Variants in GDF9 observed in about 807,000 individuals in gnomAD.
GDF9 encodes growth/differentiation factor 9.
In GDF9, 30 loss-of-function variants were observed where a neutral mutation model predicts 33.8. The observed-to-expected ratio is 0.89, with a 90% CI of 0.66 to 1.20. The LOEUF is 1.20. Among genes scored for constraint, GDF9 ranks in the 50% most tolerant of loss-of-function variants. The pLI is 0.00. For missense variants in GDF9, 556 were observed against 543.7 expected (o/e 1.02, Z -0.22); for synonymous variants, 205 against 200.7 (o/e 1.02, Z -0.18).
Position 132,866,441 on chromosome 5 carries a change from TCAATCCCCGACGTCCTC to T in GDF9, c.-1925_-1909del. ...CTGTCCACTGTCCCCCAAAGTCAGTTCAATCCCCGACGTCCTCCGCTAGGCTCCACCCCACCGGCCCG... is the reference window on the plus strand; with the variant it reads ...CTGTCCACTGTCCCCCAAAGTCAGTTCGCTAGGCTCCACCCCACCGGCCCG... On this transcript the variant is annotated 5_prime_UTR_variant, in exon 1 of 2. Transcript: ENST00000687138. 1 of 223,360 alleles carries T rather than the reference TCAATCCCCGACGTCCTC, an allele frequency of 4.5e-6. No individual in the cohort carries two copies. The highest frequency in any genetic ancestry group is 5.2e-5 in the South Asian group (1 of 19,144). 13.8% of individuals were successfully genotyped at this position (223,360 alleles called of 1,614,324 possible).
Position 132,861,315 on chromosome 5 carries a change from A to G in GDF9, c.*274T>C. ...TATCAAGAATAAGACTCCTATGAAA[A>G]GAAAAAAAATCACTCAAGGAAAAAA... is the stretch of plus-strand genomic sequence containing the variant. On this transcript the variant is annotated 3_prime_UTR_variant, in exon 2 of 2. Coordinates refer to ENST00000687138, the MANE Select transcript of GDF9 (RefSeq NM_005260.7). 1 of 411,854 alleles carries G rather than the reference A, an allele frequency of 2.4e-6. No homozygotes were observed. The highest frequency in any genetic ancestry group is 5.1e-5 in the East Asian group (1 of 19,544). 25.5% of individuals were successfully genotyped at this position (411,854 alleles called of 1,614,324 possible).
In GDF9 at chr5:132,866,215, C is replaced by T. The variant is rs565694855; in HGVS notation, c.-1682G>A. ...CGTGCTCCTCTGCTGTGGGGCGGCC[C>T]GGCCTCGGGGCTCAGAGGCGCTCTG... On this transcript the variant is annotated 5_prime_UTR_variant, in exon 1 of 2. Coordinates refer to ENST00000687138, the MANE Select transcript of GDF9 (RefSeq NM_005260.7). 5.4e-3 allele frequency: 824 copies of T among 153,160 alleles called. 4 individuals carry two copies. Among genetic ancestry groups the T allele is most frequent in the Middle Eastern group, 0.027 (8 of 294 alleles). 9.5% of individuals were successfully genotyped at this position (153,160 alleles called of 1,614,324 possible). A position where few individuals can be genotyped will look rare whatever the true frequency, so the allele number is the denominator to read the frequency against.
chr5:132,864,699 C>T lies in GDF9; in HGVS notation c.-166G>A. On this transcript the variant is annotated 5_prime_UTR_variant, in exon 1 of 2. Coordinates refer to ENST00000687138, the MANE Select transcript of GDF9 (RefSeq NM_005260.7). The stretch of plus-strand genomic sequence containing the variant: ...TGCCTAGCTGAAGATTTTATCAGCT[C>T]TATATCAAGCAGCTGATAACACCTT... The T allele has an allele frequency of 1.6e-6, 1 of 638,840 alleles. No homozygotes were observed. The highest frequency in any genetic ancestry group is 2.7e-5 in the East Asian group (1 of 37,414). 39.6% of individuals were successfully genotyped at this position (638,840 alleles called of 1,614,324 possible). A position where few individuals can be genotyped will look rare whatever the true frequency, so the allele number is the denominator to read the frequency against.
rs1759604415 is a variant in GDF9 at position 132,866,393 on chromosome 5, A to C, written c.-1860T>G. 6.1e-6 allele frequency: 1 copy of C among 163,410 alleles called. No homozygotes were observed. The highest frequency in any genetic ancestry group is 1.3e-5 in the Non-Finnish European group (1 of 74,368). The allele number at this position is 163,410 out of a possible 1,614,324, so 10.1% of individuals were successfully genotyped here. A position where few individuals can be genotyped will look rare whatever the true frequency, so the allele number is the denominator to read the frequency against. On this transcript the variant is annotated 5_prime_UTR_variant, in exon 1 of 2. Transcript: ENST00000687138. Reference sequence around the variant, plus strand: ...GATTCCACAGAAAAGCCGAGGGCTGAGGAGAAGTGTGAGCGCCTCCGCCTG... The same window carrying C: ...GATTCCACAGAAAAGCCGAGGGCTGCGGAGAAGTGTGAGCGCCTCCGCCTG...
rs1440380906 is a variant in GDF9 at position 132,864,702 on chromosome 5, T to C, written c.-169A>G. On this transcript the variant is annotated 5_prime_UTR_variant, in exon 1 of 2. It adds an upstream start codon to the 5' untranslated region. Coordinates refer to ENST00000687138, the MANE Select transcript of GDF9 (RefSeq NM_005260.7). ...CTAGCTGAAGATTTTATCAGCTCTA[T>C]ATCAAGCAGCTGATAACACCTTATT... 4.7e-6 allele frequency: 3 copies of C among 636,460 alleles called. No individual in the cohort carries two copies. The highest frequency in any genetic ancestry group is 1.9e-5 in the South Asian group (1 of 53,092). The allele number at this position is 636,460 out of a possible 1,614,324, so 39.4% of individuals were successfully genotyped here. A position where few individuals can be genotyped will look rare whatever the true frequency, so the allele number is the denominator to read the frequency against.
rs775474471 is a variant in GDF9 at position 132,862,511 on chromosome 5, G to C, written c.443C>G (p.Thr148Ser). Reference sequence around the variant, plus strand: ...TGACTTGAGTAAGTGTTCAACGGTAGTAATGCGATCCAGGTTAAATAGCAG... The same window carrying C: ...TGACTTGAGTAAGTGTTCAACGGTACTAATGCGATCCAGGTTAAATAGCAG... ...VELLFNLDRI[T>S]TVEHLLKSVL... The change falls in exon 2 of 2, where the codon ACT becomes AGT. Residue 148 changes from threonine to serine, a missense_variant. Thr to Ser is a moderately conservative substitution (Grantham distance 58). Transcript: ENST00000687138. 1.1e-5 allele frequency: 17 copies of C among 1,610,060 alleles called. No homozygotes were observed. In the African/African-American group the frequency reaches 1.9e-4, roughly 18 times the overall value.
In GDF9 at chr5:132,861,714, C is replaced by G; in HGVS notation, c.1240G>C (p.Val414Leu). ...NIIYEKLDSS[V>L]PRPSCVPAKY... ...GCAGGTACACATGACGGTCTTGGCACTGAGGAGTCCAGCTTCTCATAGATG... is the reference window on the plus strand; with the variant it reads ...GCAGGTACACATGACGGTCTTGGCAGTGAGGAGTCCAGCTTCTCATAGATG... Residue 414 changes from valine (V) to leucine (L), a missense_variant, in exon 2 of 2, where the codon GTG becomes CTG. Val to Leu is a conservative substitution (Grantham distance 32). Transcript: ENST00000687138. The G allele has an allele frequency of 6.2e-7, 1 of 1,613,206 alleles. No individual in the cohort carries two copies. Among genetic ancestry groups the G allele is most frequent in the Non-Finnish European group, 8.5e-7 (1 of 1,179,114 alleles).
chr5:132,864,104 C>T, intron 1 of GDF9, 33 bp downstream of exon 1: 1 of 1,609,228 alleles, frequency 6.2e-7, no homozygotes, highest in Non-Finnish European at 8.5e-7. Flanking sequence ...ATCATCTTCC[C>T]TCCACCCAGT....
Position 132,864,483 on chromosome 5 carries a change from C to A in GDF9, c.51G>T (p.Leu17=), listed in dbSNP as rs1246441640. 3.1e-6 allele frequency: 5 copies of A among 1,612,962 alleles called. No homozygotes were observed. The highest frequency in any genetic ancestry group is 4.2e-6 in the Non-Finnish European group (5 of 1,180,008). The change falls in exon 1 of 2, where the codon CTG becomes CTT. Residue 17 remains leucine (L), a synonymous_variant. Transcript: ENST00000687138. ...GAGAACCAAGGCTAATAGGAAAACA[C>A]AGCCAGGCAAAGCAGCAAAACCAAA... is the stretch of plus-strand genomic sequence containing the variant. ...FLLWFCCFAW[L]CFPISLGSQA... is the part of the protein sequence containing the mutation.
At position 132,865,073 on chromosome 5, in the gene GDF9, TA is replaced by T. The variant is rs1759519632; in HGVS notation, c.-541del. On this transcript the variant is annotated 5_prime_UTR_variant, in exon 1 of 2. The change creates a premature stop within an existing upstream ORF in the 5' untranslated region. Coordinates refer to ENST00000687138, the MANE Select transcript of GDF9 (RefSeq NM_005260.7). ...TTCCACTTCCAGGTGTTTACAATTG[TA>T]ATTATTCGCTGCATGTTAATTTGCG... is the stretch of plus-strand genomic sequence containing the variant. The T allele has an allele frequency of 6.5e-6, 1 of 154,320 alleles. No homozygotes were observed. The highest frequency in any genetic ancestry group is 2.0e-4 in the South Asian group (1 of 4,996). 9.6% of individuals were successfully genotyped at this position (154,320 alleles called of 1,614,324 possible).
chr5:132,862,433 C>T lies in GDF9; in HGVS notation c.521G>A (p.Cys174Tyr), dbSNP rs752368679. The T allele has an allele frequency of 1.2e-6, 2 of 1,614,138 alleles. No homozygotes were observed. The highest frequency in any genetic ancestry group is 1.3e-5 in the African/African-American group (1 of 75,036). ...CTCCTTTATCATTAGATTGCACACACATTTGACAGCAGAGGAAAAAGAAAC... is the reference window on the plus strand; with the variant it reads ...CTCCTTTATCATTAGATTGCACACATATTTGACAGCAGAGGAAAAAGAAAC... Reference protein sequence around the residue: ...NSVSFSSAVKCVCNLMIKEPK... With the variant: ...NSVSFSSAVKYVCNLMIKEPK... The change falls in exon 2 of 2, where the codon TGT becomes TAT. Residue 174 changes from cysteine (C) to tyrosine (Y), a missense_variant. By Grantham distance (194) the Cys-to-Tyr change is radical. Transcript: ENST00000687138.
At chr5:132,863,491 G>A (rs1759400103) in intron 1 of GDF9, among the ~76,000 whole-genome samples, 1 of 150,024 alleles carries the variant, frequency 6.7e-6, no homozygotes, top group Admixed American at 6.7e-5. Context: ...CCGGGCTGGA[G>A]AGCAGTGGTG....
Position 132,864,799 on chromosome 5 carries a change from G to A in GDF9, c.-266C>T, listed in dbSNP as rs1759502918. On this transcript the variant is annotated 5_prime_UTR_variant, in exon 1 of 2. The change creates a new upstream start codon in the 5' untranslated region. Coordinates refer to ENST00000687138, the MANE Select transcript of GDF9 (RefSeq NM_005260.7). ...TCCTCTCTTTTCCCCTGGCATTTAC[G>A]TAAAACCCGTTACTGTTACACTACC... 5 of 492,766 alleles carry A rather than the reference G, an allele frequency of 1.0e-5. No individual in the cohort carries two copies. Among genetic ancestry groups the A allele is most frequent in the East Asian group, 7.1e-5 (2 of 28,190 alleles). 30.5% of individuals were successfully genotyped at this position (492,766 alleles called of 1,614,324 possible).
At chr5:132,862,653 C>T (rs1759349389) in intron 1 of GDF9, 97 bp from the exon 2 acceptor site, 2 of 905,174 alleles carry the variant, frequency 2.2e-6, no homozygotes, top group Admixed American at 4.4e-5. Context: ...TGCTTTCTCC[C>T]TTCTCTTTTC....
chr5:132,863,731 G>A (rs1759415322), intron 1 of GDF9, among the ~76,000 whole-genome samples: 1 of 152,106 alleles, frequency 6.6e-6, no homozygotes, highest in African/African-American at 2.4e-5. Context: ...TTCAAAACGG[G>A]AACTTTAAGC....
In GDF9 at chr5:132,864,189, C is replaced by A; in HGVS notation, c.345G>T (p.Arg115=). Residue 115 remains arginine, a synonymous_variant, in exon 1 of 2, where the codon CGG becomes CGT. Transcript: ENST00000687138. ...TGTGCCGGGTACAGGGGGTGAAGAG[C>A]CGAACAGTGTTGTAGAGGTGACTTC... ...SNRSHLYNTV[R]LFTPCTRHKQ... 1 of 1,614,148 alleles carries A rather than the reference C, an allele frequency of 6.2e-7. No individual in the cohort carries two copies. The highest frequency in any genetic ancestry group is 8.5e-7 in the Non-Finnish European group (1 of 1,180,012).
intron 1 of GDF9, 44 bp downstream of exon 1, chr5:132,864,093 T>A: frequency 6.3e-7 from 1 of 1,589,738 alleles, no homozygotes; most frequent in Middle Eastern, 1.7e-4. Context: ...CAGAAGTGTC[T>A]ATCATCTTCC....
Position 132,864,343 on chromosome 5 carries a change from G to T in GDF9, c.191C>A (p.Ala64Glu). The part of the protein sequence containing the change: ...DERDRAGLLP[A>E]LFKVLSVGRG... ...CCCAACAGATAGAACTTTGAAAAGC[G>T]CGGGAAGGAGGCCAGCTCTGTCTCT... The change falls in exon 1 of 2, where the codon GCG becomes GAG. Residue 64 changes from alanine to glutamate, a missense_variant. Coordinates refer to ENST00000687138, the MANE Select transcript of GDF9 (RefSeq NM_005260.7). 2 of 1,614,172 alleles carry T rather than the reference G, an allele frequency of 1.2e-6. No individual in the cohort carries two copies.
At position 132,861,826 on chromosome 5, in the gene GDF9, C is replaced by A. The variant is rs141185638; in HGVS notation, c.1128G>T (p.Arg376Ser). 138 of 1,613,882 alleles carry A rather than the reference C, an allele frequency of 8.6e-5. No homozygotes were observed. Among genetic ancestry groups the A allele is most frequent in the Non-Finnish European group, 1.0e-4 (120 of 1,179,872 alleles). Residue 376 changes from arginine (R) to serine (S), a missense_variant, in exon 2 of 2, where the codon AGG becomes AGT. By Grantham distance (110) the Arg-to-Ser change is moderately radical. Coordinates refer to ENST00000687138, the MANE Select transcript of GDF9 (RefSeq NM_005260.7). Reference protein sequence around the residue: ...KWDNWIVAPHRYNPRYCKGDC... With the variant: ...KWDNWIVAPHSYNPRYCKGDC... ...CCCCTTTACAGTATCGAGGGTTGTACCTGTGCGGAGCCACAATCCAGTTGT... is the reference window on the plus strand; with the variant it reads ...CCCCTTTACAGTATCGAGGGTTGTAACTGTGCGGAGCCACAATCCAGTTGT...
Sources: allele counts gnomAD v4.1 joint callset (sites outside exome capture counted in the v4.1 genomes callset), GRCh38; gene constraint gnomAD v4.1.1; transcripts MANE v1.5; gene names NCBI Gene and HGNC (gene_info 2026-07-23, HGNC 2026-07-21).